Variants in ROBO2 observed in about 807,000 individuals in gnomAD.
The protein encoded by ROBO2 is roundabout guidance receptor 2.
A neutral mutation model predicts 160.8 loss-of-function variants in ROBO2; 53 were observed. The ratio of observed to expected loss-of-function variants is 0.33; its 90% CI spans 0.26 to 0.41. The LOEUF is 0.41. Among genes scored for constraint, ROBO2 ranks in the 10% least tolerant of loss-of-function variants. The pLI is 1.00. For missense variants in ROBO2, 1,577 were observed against 1,722.4 expected, an observed-to-expected ratio of 0.92 and a Z score of 1.49; for synonymous variants, 664 against 611.7, an observed-to-expected ratio of 1.09 and a Z score of -1.26.
chr3:77,290,014 A>G (rs1435498623), intron 2 of ROBO2, among the ~76,000 whole-genome samples: 4 of 151,762 alleles, frequency 2.6e-5, no homozygotes, highest in Admixed American at 2.6e-4. Context: ...AGATCCCTAA[A>G]GACATAAAGT....
At chr3:75,966,269 G>GT (rs34221250) in intron 2 of ROBO2, among the ~76,000 whole-genome samples, 112,171 of 150,564 alleles carry the variant, frequency 0.75, 43,613 homozygotes, top group East Asian at 0.95. Flanking sequence ...CCTAAATAAC[G>GT]TTTTTTTTTA....
intron 2 of ROBO2, among the ~76,000 whole-genome samples, chr3:76,949,759 G>GA (rs2078848885): frequency 6.6e-6 from 1 of 152,202 alleles, no homozygotes; most frequent in African/African-American, 2.4e-5. Flanking sequence ...CACAGGCCAG[G>GA]CACAGTGGTG....
intron 2 of ROBO2, among the ~76,000 whole-genome samples, chr3:77,330,719 C>G (rs533892323): frequency 2.6e-5 from 4 of 152,222 alleles, no homozygotes; most frequent in African/African-American, 9.6e-5. Context: ...GGAGGTTTTA[C>G]AAGGTCTTCA....
chr3:76,343,518 G>A (rs1423058946), intron 2 of ROBO2, among the ~76,000 whole-genome samples: 1 of 151,882 alleles, frequency 6.6e-6, no homozygotes, highest in African/African-American at 2.4e-5. Context: ...CAGAGGGAAA[G>A]AGAGAAATGC....
Position 77,428,645 on chromosome 3 carries a change from C to T in ROBO2, c.389-48769C>T, listed in dbSNP as rs59037493. Among the ~76,000 whole-genome samples the T allele has an allele frequency of 9.2e-3, 1,406 of 152,068 alleles. 21 individuals carry two copies. The highest frequency in any genetic ancestry group is 0.032 in the African/African-American group (1,315 of 41,474). On this transcript the variant is annotated intron_variant, in intron 2 of 25. Transcript: ENST00000461745. ...TGCTGGGATTACAGGCGTGAGCCAC[C>T]GCGCCCGGCCGGTAATATTTTATTG...
chr3:76,308,376 C>CAAAAAAAA (rs71277580), intron 2 of ROBO2, among the ~76,000 whole-genome samples: 9 of 85,490 alleles, frequency 1.1e-4, no homozygotes, highest in East Asian at 3.5e-4. Flanking sequence ...GACTCTGTCT[C>CAAAAAAAA]AAAAAAAAAA....
At chr3:76,935,702 T>C (rs2077654464) in intron 2 of ROBO2, among the ~76,000 whole-genome samples, 1 of 152,216 alleles carries the variant, frequency 6.6e-6, no homozygotes, top group Non-Finnish European at 1.5e-5. Context: ...CTTCTAGCTG[T>C]GTTCTGCCAT....
intron 1 of ROBO2, among the ~76,000 whole-genome samples, chr3:77,050,592 G>GT (rs34917341): frequency 1.8e-4 from 26 of 147,814 alleles, no homozygotes; most frequent in Middle Eastern, 7.1e-3. Flanking sequence ...TTGTTTTTTG[G>GT]TTTTTTTTCC....
intron 2 of ROBO2, among the ~76,000 whole-genome samples, chr3:76,886,636 G>T (rs541240669): frequency 6.6e-6 from 1 of 152,194 alleles, no homozygotes; most frequent in Non-Finnish European, 1.5e-5. Flanking sequence ...ATAGAAGTTG[G>T]CAAGGGAAAG....
chr3:77,009,900 C>T (rs1345488957), intron 2 of ROBO2, among the ~76,000 whole-genome samples: 2 of 136,696 alleles, frequency 1.5e-5, no homozygotes, highest in Non-Finnish European at 1.5e-5. Flanking sequence ...GAGCTGAAGT[C>T]GTGCCACTGC....
chr3:77,362,286 A>G (rs760001418), intron 2 of ROBO2, among the ~76,000 whole-genome samples: 9 of 152,184 alleles, frequency 5.9e-5, no homozygotes, highest in Non-Finnish European at 1.3e-4. Flanking sequence ...AACTCCAAAT[A>G]TAGCATGCAC....
chr3:76,260,386 G>A (rs1025891418), intron 2 of ROBO2, among the ~76,000 whole-genome samples: 3 of 152,064 alleles, frequency 2.0e-5, no homozygotes, highest in Admixed American at 6.6e-5. Flanking sequence ...GAGAAAAAAA[G>A]TTCTCTACAA....
chr3:77,426,235 AG>A, intron 2 of ROBO2, among the ~76,000 whole-genome samples: 1 of 152,256 alleles, frequency 6.6e-6, no homozygotes, highest in East Asian at 1.9e-4. Flanking sequence ...AAGGACTCCA[AG>A]TGCCGGCTTC....
intron 2 of ROBO2, among the ~76,000 whole-genome samples, chr3:76,493,638 C>G (rs1039357306): frequency 1.3e-5 from 2 of 151,758 alleles, no homozygotes; most frequent in Admixed American, 6.6e-5. Flanking sequence ...TTCAGTTTTT[C>G]TTGATGACAT....
intron 2 of ROBO2, among the ~76,000 whole-genome samples, chr3:77,180,163 G>T (rs545693566): frequency 6.6e-6 from 1 of 151,884 alleles, no homozygotes; most frequent in African/African-American, 2.4e-5. Flanking sequence ...AAAAACACTT[G>T]TAAGTGGTAT....
chr3:76,897,843 G>C (rs2148855558), intron 2 of ROBO2, among the ~76,000 whole-genome samples: 1 of 151,946 alleles, frequency 6.6e-6, no homozygotes, highest in African/African-American at 2.4e-5. Flanking sequence ...ATCCGATATT[G>C]ATAGCATGTT....
intron 2 of ROBO2, among the ~76,000 whole-genome samples, chr3:76,302,272 TG>T (rs1709400371): frequency 6.6e-6 from 1 of 152,074 alleles, no homozygotes. Context: ...TACTTAAATT[TG>T]TTCAAAATTT....
At chr3:76,805,243 T>C (rs1020358926) in intron 2 of ROBO2, among the ~76,000 whole-genome samples, 2 of 152,076 alleles carry the variant, frequency 1.3e-5, no homozygotes, top group Non-Finnish European at 2.9e-5. Context: ...ACTTTCATTT[T>C]TGCTTTTTCT....
intron 2 of ROBO2, among the ~76,000 whole-genome samples, chr3:76,376,598 A>T (rs977520472): frequency 5.3e-5 from 8 of 152,048 alleles, no homozygotes; most frequent in Admixed American, 4.6e-4. Context: ...TGCCCACAAC[A>T]GATAGAAACC....
Sources: gnomAD v4.1 joint callset for allele counts (sites outside exome capture counted in the v4.1 genomes callset) on GRCh38, gnomAD v4.1.1 for gene constraint, MANE v1.5 for transcripts, NCBI Gene and HGNC (gene_info 2026-07-23, HGNC 2026-07-21) for gene names.